WHRN: variants seen among roughly 807,000 people sequenced by gnomAD.
The protein encoded by WHRN is CASK-interacting protein CIP98.
WHRN carries 41 observed loss-of-function variants against 68.3 expected under a neutral mutation model. The ratio of observed to expected loss-of-function variants is 0.60; its 90% confidence interval spans 0.47 to 0.78. The LOEUF is 0.78. WHRN is among the 30% of genes least tolerant of loss of function. The probability of loss-of-function intolerance (pLI) is 0.00; values close to 1 mark genes in which losing one functional copy is unlikely to be tolerated. For missense variants in WHRN, 1,243 were observed against 1,244.7 expected, an observed-to-expected ratio of 1.00 and a Z score of 0.02; for synonymous variants, 560 against 561.3, an observed-to-expected ratio of 1.00 and a Z score of 0.03.
intron 3 of WHRN, among the ~76,000 whole-genome samples, chr9:114,457,301 C>A (rs1433490612): frequency 6.6e-6 from 1 of 151,940 alleles, no homozygotes; most frequent in Non-Finnish European, 1.5e-5. Flanking sequence ...ATTTCTTGTG[C>A]CAGAAAGTAA....
intron 3 of WHRN, among the ~76,000 whole-genome samples, chr9:114,447,919 G>A (rs1451506770): frequency 2.0e-5 from 3 of 152,146 alleles, no homozygotes; most frequent in Non-Finnish European, 4.4e-5. Context: ...AGGAGCCTGT[G>A]AGAAACGCAA....
chr9:114,477,597 C>T (rs4979410), intron 2 of WHRN, among the ~76,000 whole-genome samples: 68,083 of 151,928 alleles, frequency 0.45, 16,318 homozygotes, highest in East Asian at 0.63. Context: ...TCTTGTCAAT[C>T]AAAGTCCCTA....
chr9:114,444,626 C>G (rs1838661363), intron 3 of WHRN, among the ~76,000 whole-genome samples: 1 of 152,026 alleles, frequency 6.6e-6, no homozygotes, highest in African/African-American at 2.4e-5. Context: ...GTTTCTTGGT[C>G]ATTTTCTCAG....
In WHRN at chr9:114,406,814, C is replaced by T. The variant is rs778822769; in HGVS notation, c.1777G>A (p.Asp593Asn). ...TTCCTTGGCTGGCCTAGTGGGAGGT[C>T]GTTGCCTTGGGCCAGAGGTGGTGGG... ...PRPPPLAQGN[D>N]LPLGQPRKLG... Residue 593 changes from aspartate to asparagine, a missense_variant, in exon 9 of 12, where the codon GAC (aspartate) becomes AAC (asparagine). Physicochemically the swap from Asp to Asn is conservative, Grantham distance 23. Transcript: ENST00000362057. The T allele has an allele frequency of 3.1e-6, 5 of 1,611,402 alleles. No individual in the cohort carries two copies. Among genetic ancestry groups the T allele is most frequent in the Non-Finnish European group, 3.4e-6 (4 of 1,178,856 alleles).
chr9:114,448,050 A>T (rs1838989220), intron 3 of WHRN, among the ~76,000 whole-genome samples: 1 of 152,172 alleles, frequency 6.6e-6, no homozygotes, highest in African/African-American at 2.4e-5. Context: ...GAGTAGGTCA[A>T]ATTGTGTTCC....
At position 114,402,518 on chromosome 9, in the gene WHRN, C is replaced by T; in HGVS notation, c.*236G>A. ...CTTCCTGTCTTGCAACCCACTTGTC[C>T]TGGGCGCCTACTGTGTACCCAGTAC... is the stretch of plus-strand genomic sequence containing the variant. On this transcript the variant is annotated 3_prime_UTR_variant, in exon 12 of 12. Coordinates refer to ENST00000362057, the MANE Select transcript of WHRN (RefSeq NM_015404.4). 1.7e-6 allele frequency: 1 copy of T among 587,452 alleles called. No homozygotes were observed. Among genetic ancestry groups the T allele is most frequent in the Non-Finnish European group, 3.0e-6 (1 of 329,502 alleles). 36.4% of individuals were successfully genotyped at this position (587,452 alleles called of 1,614,324 possible).
chr9:114,454,863 T>C (rs1440721953), intron 3 of WHRN, among the ~76,000 whole-genome samples: 2 of 152,130 alleles, frequency 1.3e-5, no homozygotes, highest in Non-Finnish European at 2.9e-5. Context: ...AAAGGCTGGG[T>C]GCGTAGATCA....
chr9:114,428,855 CCCA>C (rs1589119391), intron 3 of WHRN, among the ~76,000 whole-genome samples: 1 of 152,158 alleles, frequency 6.6e-6, no homozygotes, highest in Non-Finnish European at 1.5e-5. Context: ...CCTGCTCCCT[CCCA>C]CGTGAGCGAG....
chr9:114,491,902 T>G (rs1843003903), intron 1 of WHRN, among the ~76,000 whole-genome samples: 1 of 151,890 alleles, frequency 6.6e-6, no homozygotes, highest in Middle Eastern at 3.4e-3. Flanking sequence ...CCTTCCCCCA[T>G]CAGGTGGCCT....
intron 1 of WHRN, among the ~76,000 whole-genome samples, chr9:114,493,920 A>G (rs1057376236): frequency 6.6e-6 from 1 of 152,242 alleles, no homozygotes; most frequent in African/African-American, 2.4e-5. Flanking sequence ...TGCCAGCACC[A>G]CGCTGGGCTG....
At chr9:114,424,875 G>T (rs1836674336) in intron 5 of WHRN, 113 bp downstream of exon 5, 2 of 1,188,594 alleles carry the variant, frequency 1.7e-6, no homozygotes, top group African/African-American at 1.5e-5. Context: ...CAGATAAGGG[G>T]CTGCCCAGTT....
At chr9:114,444,829 A>T (rs1838684885) in intron 3 of WHRN, among the ~76,000 whole-genome samples, 1 of 151,820 alleles carries the variant, frequency 6.6e-6, no homozygotes, top group African/African-American at 2.4e-5. Flanking sequence ...TACTGGCAGG[A>T]TAAATGCTAA....
intron 1 of WHRN, chr9:114,503,326 A>C: frequency 2.1e-6 from 1 of 467,902 alleles, no homozygotes; most frequent in Non-Finnish European, 2.8e-6. Context: ...CTTGTACGCA[A>C]AGGAGGTCGG....
chr9:114,431,420 C>CTGGAAGTAAACAAATG (rs1401882380), intron 3 of WHRN, among the ~76,000 whole-genome samples: 3 of 152,218 alleles, frequency 2.0e-5, no homozygotes, highest in Admixed American at 6.5e-5. Context: ...ACTGGTCGTA[C>CTGGAAGTAAACAAATG]TGGAAGTAAA....
chr9:114,421,373 A>G (rs939063523), intron 7 of WHRN, among the ~76,000 whole-genome samples: 1 of 152,116 alleles, frequency 6.6e-6, no homozygotes, highest in African/African-American at 2.4e-5. Context: ...CAGGCAAGAT[A>G]GTCACCTGAC....
chr9:114,473,219 C>T (rs1327183410), intron 2 of WHRN, among the ~76,000 whole-genome samples: 5 of 152,130 alleles, frequency 3.3e-5, no homozygotes, highest in African/African-American at 7.2e-5. Flanking sequence ...GGCAAATGAC[C>T]GGGGAGGGGT....
At chr9:114,415,907 A>T (rs76790025) in intron 7 of WHRN, among the ~76,000 whole-genome samples, 2 of 151,546 alleles carry the variant, frequency 1.3e-5, no homozygotes, top group African/African-American at 4.8e-5. Flanking sequence ...TTGTTTCTGA[A>T]AAAAAAAAGC....
At position 114,402,370 on chromosome 9, in the gene WHRN, A is replaced by G. The variant is rs1444874862; in HGVS notation, c.*384T>C. On this transcript the variant is annotated 3_prime_UTR_variant, in exon 12 of 12. Coordinates refer to ENST00000362057, the MANE Select transcript of WHRN (RefSeq NM_015404.4). ...TGGGGGCCGTGTCCATGAATTCTCG[A>G]GTGACCTCACTTTGGACAAAGGCTC... 1 of 287,864 alleles carries G rather than the reference A, an allele frequency of 3.5e-6. No homozygotes were observed. Among genetic ancestry groups the G allele is most frequent in the Admixed American group, 4.5e-5 (1 of 22,062 alleles). The allele number at this position is 287,864 out of a possible 1,614,324, so 17.8% of individuals were successfully genotyped here.
chr9:114,440,676 T>C (rs1252472663), intron 3 of WHRN, among the ~76,000 whole-genome samples: 1 of 152,210 alleles, frequency 6.6e-6, no homozygotes, highest in East Asian at 1.9e-4. Context: ...TTTACAGAAG[T>C]ACACATGGTA....
Sources: allele counts gnomAD v4.1 joint callset (sites outside exome capture counted in the v4.1 genomes callset), GRCh38; gene constraint gnomAD v4.1.1; transcripts MANE v1.5; gene names NCBI Gene and HGNC (gene_info 2026-07-23, HGNC 2026-07-21).